TMEM178B: variants seen among roughly 807,000 people sequenced by gnomAD.
TMEM178B encodes the protein transmembrane protein 178B.
A neutral mutation model predicts 31.0 loss-of-function variants in TMEM178B; 5 were observed. The observed-to-expected ratio is 0.16, with a 90% CI of 0.08 to 0.34. The LOEUF is 0.34. Among genes scored for constraint, TMEM178B ranks in the 10% least tolerant of loss-of-function variants. TMEM178B has a pLI of 1.00. For synonymous variants in TMEM178B, 164 were observed against 164.0 expected (o/e 1.00, Z 0.00); for missense variants, 275 against 400.3 (o/e 0.69, Z 2.67).
At chr7:141,506,095 A>G in the TMEM178B span, among the ~76,000 whole-genome samples, 1 of 152,260 alleles carries the variant, frequency 6.6e-6, no homozygotes, top group East Asian at 1.9e-4. Flanking sequence ...CTCTACAGGT[A>G]CACGTGCAAG....
Position 141,388,158 on chromosome 7 carries a change from G to A in TMEM178B, c.497-49450G>A, listed in dbSNP as rs1332028794. ...TTTCAGCTTGAGCATGGTATCAGGT[G>A]GCTGTAAAGTTCCTGGAGGTTAGGA... On this transcript the variant is annotated intron_variant, in intron 2 of 3. Coordinates refer to ENST00000565468, the MANE Select transcript of TMEM178B (RefSeq NM_001195278.2). Among the ~76,000 whole-genome samples, 4 of 152,274 alleles carry A rather than the reference G, an allele frequency of 2.6e-5. No homozygotes were observed. The East Asian group carries it at 7.7e-4, about 29-fold the overall frequency.
At chr7:141,336,453 G>A (rs1318347636) in intron 2 of TMEM178B, among the ~76,000 whole-genome samples, 2 of 152,060 alleles carry the variant, frequency 1.3e-5, no homozygotes, top group African/African-American at 2.4e-5. Flanking sequence ...ACTGTCCACT[G>A]CATGGCCTTG....
Position 141,470,857 on chromosome 7 carries a change from A to C in TMEM178B, c.*71A>C. Reference sequence around the variant, plus strand: ...AATATACATATATAAAACAAAACAAAACTAAATCAAGACGATGCCAGTGCC... The same window carrying C: ...AATATACATATATAAAACAAAACAACACTAAATCAAGACGATGCCAGTGCC... On this transcript the variant is annotated 3_prime_UTR_variant, in exon 4 of 4. Coordinates refer to ENST00000565468, the MANE Select transcript of TMEM178B (RefSeq NM_001195278.2). 3 of 885,700 alleles carry C rather than the reference A, an allele frequency of 3.4e-6. No homozygotes were observed. Among genetic ancestry groups the C allele is most frequent in the Non-Finnish European group, 4.2e-6 (3 of 716,008 alleles). 54.9% of individuals were successfully genotyped at this position (885,700 alleles called of 1,614,324 possible). A position where few individuals can be genotyped will look rare whatever the true frequency, so the allele number is the denominator to read the frequency against.
chr7:141,260,648 A>G (rs1797999034), intron 2 of TMEM178B, among the ~76,000 whole-genome samples: 1 of 152,224 alleles, frequency 6.6e-6, no homozygotes, highest in Non-Finnish European at 1.5e-5. Context: ...ATATGGTGAA[A>G]TAAACATGGT....
intron 2 of TMEM178B, among the ~76,000 whole-genome samples, chr7:141,270,131 A>G (rs1157361374): frequency 3.3e-5 from 5 of 152,192 alleles, no homozygotes; most frequent in African/African-American, 7.2e-5. Context: ...AAAGAATTGT[A>G]TGGTTTTGGA....
At chr7:141,313,969 C>T (rs922696864) in intron 2 of TMEM178B, among the ~76,000 whole-genome samples, 1 of 152,016 alleles carries the variant, frequency 6.6e-6, no homozygotes, top group Non-Finnish European at 1.5e-5. Flanking sequence ...GAGAGAGCTT[C>T]CACTAAACGA....
At chr7:141,276,794 C>G (rs1014133715) in intron 2 of TMEM178B, among the ~76,000 whole-genome samples, 1 of 152,186 alleles carries the variant, frequency 6.6e-6, no homozygotes, top group African/African-American at 2.4e-5. Context: ...TTACTATACA[C>G]CTAGGCTATA....
At chr7:141,492,525 T>C in the TMEM178B span, among the ~76,000 whole-genome samples, 16 of 152,052 alleles carry the variant, frequency 1.1e-4, no homozygotes, top group African/African-American at 3.9e-4. Flanking sequence ...GCGAAATGTG[T>C]GTGGAATCAA....
rs532265698 is a variant in TMEM178B at position 141,190,488 on chromosome 7, T to A, written c.383-22103T>A. Among the ~76,000 whole-genome samples the A allele has an allele frequency of 1.8e-4, 28 of 152,026 alleles. No homozygotes were observed. In the South Asian group the frequency reaches 4.0e-3, roughly 22 times the overall value. ...GCCACTGTGGCTAATTTTTTTTTTT[T>A]TATATAGAGATGAAGGCTCTCTATG... On this transcript the variant is annotated intron_variant, in intron 1 of 3. Coordinates refer to ENST00000565468, the MANE Select transcript of TMEM178B (RefSeq NM_001195278.2).
At chr7:141,262,382 G>T (rs1353471441) in intron 2 of TMEM178B, among the ~76,000 whole-genome samples, 1 of 151,590 alleles carries the variant, frequency 6.6e-6, no homozygotes, top group Non-Finnish European at 1.5e-5. Context: ...ATGGAGGCAT[G>T]CATGTGAGTT....
chr7:141,354,052 G>T (rs1476618530), intron 2 of TMEM178B, among the ~76,000 whole-genome samples: 1 of 152,184 alleles, frequency 6.6e-6, no homozygotes, highest in East Asian at 1.9e-4. Flanking sequence ...ATGAGAGAAT[G>T]AAATGTGGGC....
chr7:141,245,277 AG>A (rs2129194334), intron 2 of TMEM178B, among the ~76,000 whole-genome samples: 1 of 142,818 alleles, frequency 7.0e-6, no homozygotes, highest in Non-Finnish European at 1.5e-5. Flanking sequence ...AGGAGTGAGA[AG>A]GTTTCGCAGT....
At chr7:141,080,278 G>A (rs1794662003) in intron 1 of TMEM178B, among the ~76,000 whole-genome samples, 1 of 152,168 alleles carries the variant, frequency 6.6e-6, no homozygotes, top group African/African-American at 2.4e-5. Context: ...GTACAGTGTT[G>A]GACCAAATGG....
At chr7:141,319,612 G>C (rs2116471395) in intron 2 of TMEM178B, among the ~76,000 whole-genome samples, 1 of 152,188 alleles carries the variant, frequency 6.6e-6, no homozygotes, top group Admixed American at 6.5e-5. Flanking sequence ...GAGTGCAATG[G>C]CATGATCTCA....
intron 1 of TMEM178B, among the ~76,000 whole-genome samples, chr7:141,083,700 A>G (rs1794729335): frequency 6.6e-6 from 1 of 152,190 alleles, no homozygotes. Context: ...ACCTAAGAGA[A>G]AGGTGATGAC....
intron 1 of TMEM178B, among the ~76,000 whole-genome samples, chr7:141,155,163 G>A (rs1206281906): frequency 6.6e-6 from 1 of 152,182 alleles, no homozygotes; most frequent in Middle Eastern, 3.2e-3. Flanking sequence ...GAAAACAGGG[G>A]ACAGGTGTGG....
At chr7:141,458,049 CTATT>C (rs1232814396) in intron 3 of TMEM178B, among the ~76,000 whole-genome samples, 3 of 152,176 alleles carry the variant, frequency 2.0e-5, no homozygotes, top group Non-Finnish European at 2.9e-5. Context: ...AGGACAGTAT[CTATT>C]TGAGTCATAT....
At chr7:141,133,961 G>A (rs1795634527) in intron 1 of TMEM178B, among the ~76,000 whole-genome samples, 1 of 152,198 alleles carries the variant, frequency 6.6e-6, no homozygotes. Context: ...AGAGGTGGGT[G>A]TAATGGCTCA....
At chr7:141,255,992 ATCCATCCT>A (rs1368471247) in intron 2 of TMEM178B, among the ~76,000 whole-genome samples, 1 of 151,810 alleles carries the variant, frequency 6.6e-6, no homozygotes, top group African/African-American at 2.4e-5. Flanking sequence ...CCATCCATCT[ATCCATCCT>A]TCCATCCATT....
Sources: allele counts gnomAD v4.1 joint callset (sites outside exome capture counted in the v4.1 genomes callset), GRCh38; gene constraint gnomAD v4.1.1; transcripts MANE v1.5; gene names NCBI Gene and HGNC (gene_info 2026-07-23, HGNC 2026-07-21).